Variants in EYS observed in about 807,000 individuals in gnomAD.
EYS encodes EGF-like photoreceptor maintenance factor, also known as protein eyes shut homolog.
Under a neutral mutation model 282.1 loss-of-function variants are expected in EYS, and 250 were observed. The ratio of observed to expected loss-of-function variants is 0.89; its 90% CI spans 0.80 to 0.98. EYS has a LOEUF of 0.98. Among genes scored for constraint, EYS ranks in the 50% least tolerant of loss-of-function variants. The pLI, the probability that EYS is intolerant of heterozygous loss-of-function variation, is 0.00. For synonymous variants in EYS, 1,355 were observed against 1,282.9 expected, an observed-to-expected ratio of 1.06 and a Z score of -1.20; for missense variants, 4,016 against 3,709.0, an observed-to-expected ratio of 1.08 and a Z score of -2.15.
chr6:65,003,912 TC>T (rs1044534171), intron 13 of EYS, among the ~76,000 whole-genome samples: 2 of 147,470 alleles, frequency 1.4e-5, no homozygotes, highest in African/African-American at 4.9e-5. Context: ...TAATGTCATT[TC>T]GTTTTCTGTG....
chr6:64,865,500 A>G (rs911520264), intron 19 of EYS, among the ~76,000 whole-genome samples: 2 of 152,102 alleles, frequency 1.3e-5, no homozygotes, highest in East Asian at 3.8e-4. Context: ...GTTACAGGAA[A>G]CAAACAAAAT....
intron 15 of EYS, among the ~76,000 whole-genome samples, chr6:64,944,613 C>A (rs949474072): frequency 2.0e-5 from 3 of 152,056 alleles, no homozygotes; most frequent in African/African-American, 7.2e-5. Flanking sequence ...ATGAGAAAGA[C>A]CTGACCGTCC....
intron 35 of EYS, among the ~76,000 whole-genome samples, chr6:63,954,897 G>A (rs1318805172): frequency 2.6e-5 from 4 of 152,006 alleles, no homozygotes; most frequent in Non-Finnish European, 5.9e-5. Context: ...TTTCCATCAC[G>A]GAAATCTGTC....
chr6:65,155,843 A>G (rs1764717119), intron 12 of EYS, among the ~76,000 whole-genome samples: 1 of 151,530 alleles, frequency 6.6e-6, no homozygotes, highest in African/African-American at 2.4e-5. Context: ...CTTTGGCTGA[A>G]TATGTCCAAA....
chr6:64,912,415 T>C (rs1583287320), intron 16 of EYS, 69 bp downstream of exon 16: 1 of 1,426,298 alleles, frequency 7.0e-7, no homozygotes, highest in Non-Finnish European at 9.7e-7. Context: ...CATCATCCCA[T>C]AGGCACAATA....
At chr6:64,338,008 C>T (rs1770921585) in intron 29 of EYS, among the ~76,000 whole-genome samples, 1 of 151,946 alleles carries the variant, frequency 6.6e-6, no homozygotes. Context: ...TTATGACAAA[C>T]CCACAGTCAA....
intron 12 of EYS, among the ~76,000 whole-genome samples, chr6:65,167,289 A>T (rs569399991): frequency 6.6e-6 from 1 of 151,484 alleles, no homozygotes; most frequent in African/African-American, 2.4e-5. Flanking sequence ...GATGCATACA[A>T]GGGAATATAT....
chr6:65,611,420 TAA>T (rs1765995996), intron 2 of EYS, among the ~76,000 whole-genome samples: 1 of 152,046 alleles, frequency 6.6e-6, no homozygotes, highest in East Asian at 1.9e-4. Flanking sequence ...TATGGGTATA[TAA>T]GAAAGACTAT....
rs544247022 is a variant in EYS, at chr6:64,191,483, C to T, written c.6424+39109G>A. 3.5e-4 allele frequency among the ~76,000 whole-genome samples: 51 copies of T among 146,050 alleles called. No homozygotes were observed. In the Middle Eastern group the frequency reaches 0.014, roughly 41 times the overall value. On this transcript the variant is annotated intron_variant, in intron 31 of 42. Coordinates refer to ENST00000503581, the MANE Select transcript of EYS (RefSeq NM_001142800.2). ...ATCGTCCAGTGCTATCCCTTCCCCCCCCACCCCAAAACAGTCCCCAGAGTG... is the reference window on the plus strand; with the variant it reads ...ATCGTCCAGTGCTATCCCTTCCCCCTCCACCCCAAAACAGTCCCCAGAGTG...
intron 22 of EYS, among the ~76,000 whole-genome samples, chr6:64,765,908 T>C (rs1313406175): frequency 1.3e-5 from 2 of 152,134 alleles, no homozygotes; most frequent in African/African-American, 4.8e-5. Flanking sequence ...AATGGGTGTA[T>C]TTCAGATTTA....
chr6:64,711,633 A>T (rs923698314), intron 22 of EYS, among the ~76,000 whole-genome samples: 15 of 152,258 alleles, frequency 9.9e-5, no homozygotes, highest in Non-Finnish European at 2.1e-4. Flanking sequence ...TACAGAAACA[A>T]GGTAATACAA....
chr6:65,631,115 T>C (rs957466078), intron 2 of EYS, among the ~76,000 whole-genome samples: 3 of 152,222 alleles, frequency 2.0e-5, no homozygotes, highest in Non-Finnish European at 4.4e-5. Context: ...AATAAATTAC[T>C]GTGATTAATG....
chr6:64,156,063 T>TTA lies in EYS; in HGVS notation c.6425-74063_6425-74062dup, dbSNP rs990131395. Among the ~76,000 whole-genome samples, 26 of 149,688 alleles carry TTA rather than the reference T, an allele frequency of 1.7e-4. No individual in the cohort carries two copies. In the South Asian group the frequency reaches 2.1e-3, roughly 12 times the overall value. On this transcript the variant is annotated intron_variant, in intron 31 of 42. Coordinates refer to ENST00000503581, the MANE Select transcript of EYS (RefSeq NM_001142800.2). ...GTGTTTGTGTGTGTGTATGTGTGTATTATATATATATATTATATATATATG... is the reference window on the plus strand; with the variant it reads ...GTGTTTGTGTGTGTGTATGTGTGTATTATATATATATATATTATATATATATG...
chr6:64,147,754 C>A (rs1436950255), intron 31 of EYS, among the ~76,000 whole-genome samples: 2 of 152,172 alleles, frequency 1.3e-5, no homozygotes, highest in African/African-American at 4.8e-5. Context: ...CTGATGCTCA[C>A]TTTTCCAGCC....
rs534289551 is a variant in EYS at position 65,651,765 on chromosome 6, C to T, written c.-447-11873G>A. The stretch of plus-strand genomic sequence containing the variant: ...TTTTTCTGTAAAAAATCCAGAGTCT[C>T]CTATCATCCAGTCAAAATTTCTGCT... On this transcript the variant is annotated intron_variant, in intron 1 of 42. Coordinates refer to ENST00000503581, the MANE Select transcript of EYS (RefSeq NM_001142800.2). 7.2e-5 allele frequency among the ~76,000 whole-genome samples: 11 copies of T among 152,084 alleles called. No homozygotes were observed. In the South Asian group the frequency reaches 2.3e-3, roughly 32 times the overall value.
At chr6:64,083,045 A>T (rs1449787972) in intron 31 of EYS, among the ~76,000 whole-genome samples, 2 of 151,880 alleles carry the variant, frequency 1.3e-5, no homozygotes, top group Non-Finnish European at 2.9e-5. Context: ...AGTAATTGGG[A>T]CTACAGGTGT....
At chr6:64,035,004 A>T (rs1770041767) in intron 33 of EYS, among the ~76,000 whole-genome samples, 1 of 152,212 alleles carries the variant, frequency 6.6e-6, no homozygotes, top group Admixed American at 6.5e-5. Context: ...GAATAGCTAG[A>T]CGTCAATGTC....
At chr6:64,938,552 G>A (rs1419634268) in intron 15 of EYS, among the ~76,000 whole-genome samples, 2 of 151,594 alleles carry the variant, frequency 1.3e-5, no homozygotes, top group African/African-American at 4.8e-5. Flanking sequence ...TGGGATAAAA[G>A]CAATTTACAT....
chr6:64,966,408 G>C (rs1053959720), intron 14 of EYS, among the ~76,000 whole-genome samples: 1 of 152,096 alleles, frequency 6.6e-6, no homozygotes, highest in African/African-American at 2.4e-5. Context: ...TTTAAGGATT[G>C]AAATATGTCA....
Sources: allele counts gnomAD v4.1 joint callset (sites outside exome capture counted in the v4.1 genomes callset), GRCh38; gene constraint gnomAD v4.1.1; transcripts MANE v1.5; gene names NCBI Gene and HGNC (gene_info 2026-07-23, HGNC 2026-07-21).